Variants in LSM1 observed in about 807,000 individuals in gnomAD.
The protein encoded by LSM1 is LSM1 homolog, mRNA degradation associated, also known as U6 snRNA-associated Sm-like protein LSm1.
LSM1 carries 13 observed loss-of-function variants against 18.0 expected under a neutral mutation model. That is an observed-to-expected ratio of 0.72 (90% CI 0.47 to 1.15). The LOEUF (loss-of-function observed/expected upper bound fraction) is 1.15, where lower values mean the gene tolerates loss of function less well. Ranked by LOEUF, LSM1 falls within the 50% of genes most tolerant of loss-of-function variation. The pLI is 0.00. For missense variants in LSM1, 152 were observed against 157.7 expected (o/e 0.96, Z 0.19); for synonymous variants, 46 against 56.0 (o/e 0.82, Z 0.80).
At chr8:38,172,438 C>T (rs547143335) in intron 1 of LSM1, among the ~76,000 whole-genome samples, 20 of 151,652 alleles carry the variant, frequency 1.3e-4, no homozygotes, top group Admixed American at 9.2e-4. Context: ...CCTCCTGCAT[C>T]GGCCTCCTTA....
chr8:38,172,344 CAG>C (rs886676754), intron 1 of LSM1, among the ~76,000 whole-genome samples: 12 of 129,128 alleles, frequency 9.3e-5, no homozygotes, highest in Non-Finnish European at 1.4e-4. Flanking sequence ...TTTTTTGAGA[CAG>C]AGTCTCACTC....
intron 1 of LSM1, chr8:38,175,950 G>T (rs908838311): frequency 4.9e-5 from 14 of 287,846 alleles, no homozygotes; most frequent in Non-Finnish European, 8.5e-5. Flanking sequence ...AGTGGACGGG[G>T]GAGAAGCCCC....
intron 1 of LSM1, among the ~76,000 whole-genome samples, chr8:38,172,800 A>AT (rs1803053318): frequency 6.6e-6 from 1 of 152,224 alleles, no homozygotes. Flanking sequence ...TAAAAACACA[A>AT]TGCTTCAGGC....
chr8:38,176,056 G>A, intron 1 of LSM1: 2 of 481,466 alleles, frequency 4.2e-6, no homozygotes, highest in South Asian at 6.0e-5. Context: ...CAGCTAGAGG[G>A]CTGGCGGAGG....
intron 1 of LSM1, among the ~76,000 whole-genome samples, chr8:38,175,418 A>G (rs1803114671): frequency 6.6e-6 from 1 of 152,214 alleles, no homozygotes; most frequent in Admixed American, 6.5e-5. Context: ...TCACAGAGTA[A>G]CTGAGACGAT....
intron 3 of LSM1, among the ~76,000 whole-genome samples, chr8:38,168,589 C>CT (rs201606968): frequency 0.13 from 19,340 of 143,804 alleles, 1,616 homozygotes; most frequent in East Asian, 0.28. Flanking sequence ...AAAACTCTGT[C>CT]CCAAAAAAAA....
chr8:38,173,968 G>A (rs1021821255), intron 1 of LSM1, among the ~76,000 whole-genome samples: 1 of 152,196 alleles, frequency 6.6e-6, no homozygotes, highest in African/African-American at 2.4e-5. Context: ...CCAGTTGTTA[G>A]AGAAATCAAG....
chr8:38,172,317 CT>C (rs1248737399), intron 1 of LSM1, among the ~76,000 whole-genome samples: 2 of 140,988 alleles, frequency 1.4e-5, no homozygotes, highest in East Asian at 2.2e-4. Context: ...TTTTTTTTTC[CT>C]TTTTTCTTTT....
intron 1 of LSM1, among the ~76,000 whole-genome samples, chr8:38,173,049 A>T (rs1803057138): frequency 6.6e-6 from 1 of 152,196 alleles, no homozygotes. Flanking sequence ...TGGTTACAGA[A>T]GGAAGGGTGG....
At chr8:38,164,994 C>T (rs917227218) in intron 3 of LSM1, among the ~76,000 whole-genome samples, 4 of 152,126 alleles carry the variant, frequency 2.6e-5, no homozygotes, top group African/African-American at 7.2e-5. Context: ...GGGAGAACCT[C>T]GGCAGACCAT....
intron 2 of LSM1, 104 bp downstream of exon 2, chr8:38,171,861 C>G: frequency 1.2e-6 from 1 of 814,174 alleles, no homozygotes; most frequent in Non-Finnish European, 2.0e-6. Context: ...CTAGGTCACA[C>G]ACGTGAAAAA....
chr8:38,174,258 G>C (rs1004100237), intron 1 of LSM1, among the ~76,000 whole-genome samples: 2 of 152,114 alleles, frequency 1.3e-5, no homozygotes, highest in African/African-American at 4.8e-5. Context: ...TAACACATGA[G>C]GGGAAGAACG....
At chr8:38,165,104 A>G (rs1029551124) in intron 3 of LSM1, among the ~76,000 whole-genome samples, 4 of 151,836 alleles carry the variant, frequency 2.6e-5, no homozygotes, top group African/African-American at 9.7e-5. Context: ...ATCCCAGCAC[A>G]CTGGGAAGCC....
chr8:38,166,734 A>G (rs546333360), intron 3 of LSM1, among the ~76,000 whole-genome samples: 1 of 152,202 alleles, frequency 6.6e-6, no homozygotes, highest in Non-Finnish European at 1.5e-5. Flanking sequence ...TGAAAGCCAC[A>G]CAAATTACAT....
At chr8:38,173,283 C>G (rs1400315347) in intron 1 of LSM1, among the ~76,000 whole-genome samples, 2 of 149,618 alleles carry the variant, frequency 1.3e-5, no homozygotes, top group East Asian at 2.0e-4. Context: ...TATGAGACTA[C>G]AGAGAGAGAA....
intron 1 of LSM1, among the ~76,000 whole-genome samples, chr8:38,175,551 A>C (rs944873813): frequency 2.0e-5 from 3 of 152,216 alleles, no homozygotes; most frequent in African/African-American, 7.2e-5. Context: ...AGAAAAAAGG[A>C]AAGCCAGAAC....
chr8:38,176,275 T>C lies in LSM1; in HGVS notation c.46A>G (p.Lys16Glu). ...CACCGGGAGGAGATAAACTACTCACTGTCAATGTCCTCGATGAGGCTGGCG... is the reference window on the plus strand; with the variant it reads ...CACCGGGAGGAGATAAACTACTCACCGTCAATGTCCTCGATGAGGCTGGCG... ...GTASLIEDIDKKHLVLLRDGR... is the reference protein window; with the variant it reads ...GTASLIEDIDEKHLVLLRDGR... Residue 16 changes from lysine to glutamate, a missense_variant and splice_region_variant, in exon 1 of 4, where the codon AAA (lysine) becomes GAA (glutamate). Transcript: ENST00000311351. 6.2e-7 allele frequency: 1 copy of C among 1,613,586 alleles called. No individual in the cohort carries two copies. The highest frequency in any genetic ancestry group is 8.5e-7 in the Non-Finnish European group (1 of 1,179,720).
At chr8:38,171,064 G>A (rs1032566440) in intron 2 of LSM1, 3 of 408,748 alleles carry the variant, frequency 7.3e-6, no homozygotes, top group East Asian at 7.1e-5. Flanking sequence ...TGCAGGATGC[G>A]AAACAAAGAC....
At chr8:38,163,983 G>C (rs997236025) in intron 3 of LSM1, 143 bp from the exon 4 acceptor site, 1 of 718,550 alleles carries the variant, frequency 1.4e-6, no homozygotes, top group African/African-American at 1.8e-5. Context: ...CCTAGGGACC[G>C]GTAAGTTTTT....
Sources: gnomAD v4.1 joint callset for allele counts (sites outside exome capture counted in the v4.1 genomes callset) on GRCh38, gnomAD v4.1.1 for gene constraint, MANE v1.5 for transcripts, NCBI Gene and HGNC (gene_info 2026-07-23, HGNC 2026-07-21) for gene names.